Variants in TRPC7 observed in about 807,000 individuals in gnomAD.
TRPC7 encodes transient receptor potential cation channel subfamily C member 7.
Under a neutral mutation model 90.1 loss-of-function variants are expected in TRPC7, and 42 were observed. That is an observed-to-expected ratio of 0.47 (90% CI 0.36 to 0.60). TRPC7 has a LOEUF of 0.60. Ranked by LOEUF, TRPC7 falls within the 20% of genes least tolerant of loss-of-function variation. TRPC7 has a pLI of 0.00. For missense variants in TRPC7, 955 were observed against 1,112.3 expected, an observed-to-expected ratio of 0.86 and a Z score of 2.01; for synonymous variants, 451 against 436.3, an observed-to-expected ratio of 1.03 and a Z score of -0.42.
chr5:136,250,226 C>G (rs1756475507), intron 6 of TRPC7, among the ~76,000 whole-genome samples: 1 of 152,218 alleles, frequency 6.6e-6, no homozygotes, highest in Non-Finnish European at 1.5e-5. Flanking sequence ...CTCCATTTCT[C>G]AATGGAGATT....
chr5:136,347,906 A>C (rs1383551149), intron 2 of TRPC7, among the ~76,000 whole-genome samples: 1 of 152,158 alleles, frequency 6.6e-6, no homozygotes, highest in Non-Finnish European at 1.5e-5. Context: ...TTAAAGACAA[A>C]ACGGTGGTCC....
Position 136,251,695 on chromosome 5 carries a change from C to A in TRPC7, c.1533G>T (p.Thr511=). ...CCGGCGGAAGCGAGACATTGTGCAG[C>A]GTGTCGTCCTGCACGTGCTGGTCCA... ...LYVDQHVQDD[T]LHNVSLPPEV... The change falls in exon 6 of 12, where the codon ACG becomes ACT. Residue 511 remains threonine (T), a synonymous_variant. Coordinates refer to ENST00000513104, the MANE Select transcript of TRPC7 (RefSeq NM_020389.3). 1 of 1,613,050 alleles carries A rather than the reference C, an allele frequency of 6.2e-7. No individual in the cohort carries two copies. Among genetic ancestry groups the A allele is most frequent in the Non-Finnish European group, 8.5e-7 (1 of 1,179,196 alleles).
At chr5:136,339,048 C>T (rs1759758153) in intron 2 of TRPC7, among the ~76,000 whole-genome samples, 1 of 152,108 alleles carries the variant, frequency 6.6e-6, no homozygotes, top group Non-Finnish European at 1.5e-5. Context: ...TGCTTAATAA[C>T]ATTAAGTTCT....
chr5:136,342,480 C>T (rs1759875311), intron 2 of TRPC7, among the ~76,000 whole-genome samples: 1 of 152,154 alleles, frequency 6.6e-6, no homozygotes, highest in Admixed American at 6.5e-5. Context: ...CTGAAGCTGA[C>T]CTATGGAAGC....
At chr5:136,312,538 G>T (rs1482876049) in intron 3 of TRPC7, among the ~76,000 whole-genome samples, 1 of 152,136 alleles carries the variant, frequency 6.6e-6, no homozygotes. Context: ...TGTCCATTCT[G>T]CAAATGGGGA....
At chr5:136,323,633 A>G (rs945950550) in intron 2 of TRPC7, among the ~76,000 whole-genome samples, 2 of 152,216 alleles carry the variant, frequency 1.3e-5, no homozygotes, top group Non-Finnish European at 2.9e-5. Flanking sequence ...TCTGTCAAAA[A>G]TCATTGACCA....
chr5:136,264,662 C>T (rs534326100), intron 5 of TRPC7, among the ~76,000 whole-genome samples: 7 of 151,804 alleles, frequency 4.6e-5, no homozygotes, highest in South Asian at 2.1e-4. Flanking sequence ...GTGCAATGTC[C>T]GCTCATCGAA....
At chr5:136,353,666 C>T (rs980530714) in intron 2 of TRPC7, among the ~76,000 whole-genome samples, 9 of 152,084 alleles carry the variant, frequency 5.9e-5, no homozygotes, top group African/African-American at 2.2e-4. Context: ...TCTAAAGGAA[C>T]AGTTATGTTA....
At chr5:136,269,709 T>G (rs868359480) in intron 4 of TRPC7, among the ~76,000 whole-genome samples, 11 of 152,070 alleles carry the variant, frequency 7.2e-5, no homozygotes, top group African/African-American at 1.7e-4. Context: ...AGCTTCGGGG[T>G]TGGGTGATTC....
intron 4 of TRPC7, among the ~76,000 whole-genome samples, chr5:136,268,077 A>G (rs1757093492): frequency 1.3e-5 from 2 of 152,222 alleles, no homozygotes; most frequent in Non-Finnish European, 1.5e-5. Context: ...AATTCAGTAA[A>G]AAACTGAATT....
At chr5:136,227,235 C>T (rs987321951) in intron 8 of TRPC7, among the ~76,000 whole-genome samples, 7 of 152,114 alleles carry the variant, frequency 4.6e-5, no homozygotes, top group African/African-American at 1.7e-4. Context: ...TTCCTTGAAC[C>T]TCTGTCCTAG....
At chr5:136,261,423 C>G (rs1268221441) in intron 5 of TRPC7, among the ~76,000 whole-genome samples, 1 of 152,226 alleles carries the variant, frequency 6.6e-6, no homozygotes, top group African/African-American at 2.4e-5. Context: ...GTGCTGTCAA[C>G]TCCACCTTTT....
At chr5:136,352,654 C>T (rs927364048) in intron 2 of TRPC7, among the ~76,000 whole-genome samples, 1 of 152,158 alleles carries the variant, frequency 6.6e-6, no homozygotes, top group Non-Finnish European at 1.5e-5. Context: ...AAGTCCAGCT[C>T]ACACCAATCT....
intron 1 of TRPC7, among the ~76,000 whole-genome samples, chr5:136,361,414 T>C (rs1481838917): frequency 6.6e-6 from 1 of 152,164 alleles, no homozygotes; most frequent in Non-Finnish European, 1.5e-5. Flanking sequence ...TCCCTCTTGA[T>C]CCTTCAGTTG....
At chr5:136,325,656 A>C (rs1759323251) in intron 2 of TRPC7, among the ~76,000 whole-genome samples, 1 of 152,180 alleles carries the variant, frequency 6.6e-6, no homozygotes, top group Non-Finnish European at 1.5e-5. Context: ...CTTAAGGCCA[A>C]TTCATGCTGA....
intron 1 of TRPC7, among the ~76,000 whole-genome samples, chr5:136,364,554 C>T (rs771176958): frequency 1.7e-4 from 26 of 152,238 alleles, no homozygotes; most frequent in Non-Finnish European, 2.8e-4. Flanking sequence ...TCATTATTGC[C>T]TTTTCTGAGT....
At chr5:136,334,780 G>T (rs1195095690) in intron 2 of TRPC7, among the ~76,000 whole-genome samples, 2 of 152,180 alleles carry the variant, frequency 1.3e-5, no homozygotes, top group Non-Finnish European at 2.9e-5. Flanking sequence ...TACATACTCT[G>T]AGTCAAGTAT....
chr5:136,257,063 C>T (rs956146953), intron 5 of TRPC7, among the ~76,000 whole-genome samples: 3 of 152,164 alleles, frequency 2.0e-5, no homozygotes, highest in Non-Finnish European at 4.4e-5. Context: ...TGGGCACATT[C>T]GAGTGATGAG....
intron 3 of TRPC7, among the ~76,000 whole-genome samples, chr5:136,307,983 A>G (rs1047236814): frequency 3.9e-5 from 6 of 152,188 alleles, no homozygotes; most frequent in Non-Finnish European, 8.8e-5. Flanking sequence ...CCAGAAGACA[A>G]ATAACTTGTC....
Sources: gnomAD v4.1 joint callset for allele counts (sites outside exome capture counted in the v4.1 genomes callset) on GRCh38, gnomAD v4.1.1 for gene constraint, MANE v1.5 for transcripts, NCBI Gene and HGNC (gene_info 2026-07-23, HGNC 2026-07-21) for gene names.